Variants in NTM observed in about 807,000 individuals in gnomAD.
NTM encodes the protein neurotrimin, also known as IgLON family member 2.
NTM carries 13 observed loss-of-function variants against 42.1 expected under a neutral mutation model. The ratio of observed to expected loss-of-function variants is 0.31; its 90% CI spans 0.20 to 0.49. NTM has a LOEUF of 0.49. NTM is among the 20% of genes least tolerant of loss of function. NTM has a pLI of 0.99. For synonymous variants in NTM, 187 were observed against 179.2 expected (o/e 1.04, Z -0.35); for missense variants, 373 against 452.8 (o/e 0.82, Z 1.60).
At chr11:132,217,435 TTC>T (rs2084127894) in intron 4 of NTM, among the ~76,000 whole-genome samples, 1 of 150,308 alleles carries the variant, frequency 6.7e-6, no homozygotes, top group Non-Finnish European at 1.5e-5. Flanking sequence ...GTTTCTCAGG[TTC>T]TCTCTTTCTC....
At chr11:132,035,768 A>C (rs557909804) in intron 2 of NTM, among the ~76,000 whole-genome samples, 167 of 152,118 alleles carry the variant, frequency 1.1e-3, no homozygotes, top group Non-Finnish European at 1.9e-3. Context: ...TGATTGAGGA[A>C]GGAGGATGCT....
intron 4 of NTM, among the ~76,000 whole-genome samples, chr11:132,281,087 A>G (rs911576767): frequency 5.3e-5 from 8 of 152,224 alleles, no homozygotes; most frequent in African/African-American, 1.7e-4. Context: ...TATTTGGCAT[A>G]TGCTGCTTTG....
At chr11:131,750,768 G>T (rs938027238) in intron 1 of NTM, among the ~76,000 whole-genome samples, 2 of 152,296 alleles carry the variant, frequency 1.3e-5, no homozygotes, top group Non-Finnish European at 2.9e-5. Flanking sequence ...TTGAAAGCCT[G>T]AATGAGCCTG....
intron 1 of NTM, among the ~76,000 whole-genome samples, chr11:131,650,769 T>G (rs1228892054): frequency 6.6e-6 from 1 of 152,112 alleles, no homozygotes; most frequent in African/African-American, 2.4e-5. Context: ...AATACCAAAT[T>G]TAAAAAAATT....
At chr11:132,175,064 T>C (rs952573875) in intron 3 of NTM, among the ~76,000 whole-genome samples, 1 of 152,154 alleles carries the variant, frequency 6.6e-6, no homozygotes, top group African/African-American at 2.4e-5. Flanking sequence ...GGTCTTGGAA[T>C]GTGGGAGGCT....
intron 1 of NTM, among the ~76,000 whole-genome samples, chr11:131,754,284 TAAAAAAA>T (rs777750198): frequency 1.3e-3 from 180 of 140,018 alleles, no homozygotes; most frequent in Non-Finnish European, 1.8e-3. Context: ...AAGTATAATT[TAAAAAAA>T]AAAGAAAAAA....
chr11:131,582,427 G>T (rs1218197729), intron 1 of NTM: 1 of 152,082 alleles, frequency 6.6e-6, no homozygotes, highest in East Asian at 1.9e-4. Context: ...AGCAGTTGCC[G>T]CGCTTCCAAA....
At chr11:131,755,048 G>C (rs1327315357) in intron 1 of NTM, among the ~76,000 whole-genome samples, 1 of 152,152 alleles carries the variant, frequency 6.6e-6, no homozygotes, top group Non-Finnish European at 1.5e-5. Context: ...AAGAGCCTTG[G>C]GTATTGATGG....
At chr11:131,549,025 TAGGAATGA>T (rs1263005191) in intron 1 of NTM, among the ~76,000 whole-genome samples, 1 of 152,116 alleles carries the variant, frequency 6.6e-6, no homozygotes, top group Non-Finnish European at 1.5e-5. Context: ...TCAGTAAAAG[TAGGAATGA>T]ATGAATGAAT....
chr11:131,594,207 T>G (rs1442730036), intron 1 of NTM, among the ~76,000 whole-genome samples: 1 of 152,188 alleles, frequency 6.6e-6, no homozygotes, highest in South Asian at 2.1e-4. Context: ...TTGTAATAAT[T>G]TGGCACTGGG....
At chr11:132,180,102 GGATT>G (rs2077347408) in intron 3 of NTM, among the ~76,000 whole-genome samples, 1 of 152,058 alleles carries the variant, frequency 6.6e-6, no homozygotes, top group Admixed American at 6.5e-5. Context: ...TATACAAAAG[GGATT>G]GATTGTCTAT....
At chr11:132,132,315 T>C (rs1450788912) in intron 2 of NTM, among the ~76,000 whole-genome samples, 1 of 152,270 alleles carries the variant, frequency 6.6e-6, no homozygotes, top group Non-Finnish European at 1.5e-5. Flanking sequence ...AAATTGGGTC[T>C]ATTTCTTTCT....
chr11:131,906,896 G>C (rs897122030), intron 1 of NTM, among the ~76,000 whole-genome samples: 2 of 152,126 alleles, frequency 1.3e-5, no homozygotes, highest in African/African-American at 4.8e-5. Context: ...CTATAGCCCA[G>C]ATGAACCACG....
chr11:131,828,096 A>G (rs754464759), intron 1 of NTM, among the ~76,000 whole-genome samples: 5 of 151,566 alleles, frequency 3.3e-5, no homozygotes, highest in East Asian at 1.9e-4. Flanking sequence ...ATTAAATTCT[A>G]CCTGCCAAAT....
chr11:132,153,396 AGGGTTG>A (rs1482121284), intron 3 of NTM, among the ~76,000 whole-genome samples: 4 of 152,160 alleles, frequency 2.6e-5, no homozygotes, highest in African/African-American at 9.7e-5. Flanking sequence ...TTCTTAATTA[AGGGTTG>A]GATGAGGTCT....
intron 4 of NTM, among the ~76,000 whole-genome samples, chr11:132,245,646 CGTCACGGGGACTCT>C (rs1236681053): frequency 2.0e-5 from 3 of 152,088 alleles, no homozygotes; most frequent in African/African-American, 7.2e-5. Context: ...CGGGGCAGAG[CGTCACGGGGACTCT>C]GTCCTAAGAA....
chr11:132,288,605 CT>C (rs1470271967), intron 4 of NTM, among the ~76,000 whole-genome samples: 3 of 152,028 alleles, frequency 2.0e-5, no homozygotes, highest in Admixed American at 2.0e-4. Context: ...AGATTGGATA[CT>C]TTTTTTCTTT....
chr11:131,544,853 ATAACT>A (rs2053721976), intron 1 of NTM, among the ~76,000 whole-genome samples: 1 of 152,220 alleles, frequency 6.6e-6, no homozygotes, highest in African/African-American at 2.4e-5. Flanking sequence ...ATCGAATCAG[ATAACT>A]TGATAGCAGT....
chr11:131,521,856 C>A (rs1256713098), intron 1 of NTM, among the ~76,000 whole-genome samples: 1 of 152,052 alleles, frequency 6.6e-6, no homozygotes, highest in Non-Finnish European at 1.5e-5. Flanking sequence ...ATTAAGACCC[C>A]CTGTTTCCAT....
Sources: allele counts gnomAD v4.1 joint callset (sites outside exome capture counted in the v4.1 genomes callset), GRCh38; gene constraint gnomAD v4.1.1; transcripts MANE v1.5; gene names NCBI Gene and HGNC (gene_info 2026-07-23, HGNC 2026-07-21).